Variants in FRYL observed in about 807,000 individuals in gnomAD.
FRYL encodes the protein FRY like transcription coactivator, also known as protein furry homolog-like.
A neutral mutation model predicts 351.2 loss-of-function variants in FRYL; 150 were observed. That is an observed-to-expected ratio of 0.43 (90% CI 0.37 to 0.49). The LOEUF is 0.49. FRYL is among the 20% of genes least tolerant of loss of function. The pLI is 0.00. For synonymous variants in FRYL, 1,153 were observed against 1,257.1 expected, an observed-to-expected ratio of 0.92 and a Z score of 1.75; for missense variants, 3,036 against 3,619.3, an observed-to-expected ratio of 0.84 and a Z score of 4.13.
At chr4:48,560,027 G>A (rs984849474) in intron 33 of FRYL, among the ~76,000 whole-genome samples, 1 of 152,032 alleles carries the variant, frequency 6.6e-6, no homozygotes, top group Non-Finnish European at 1.5e-5. Context: ...GCATGCAGGA[G>A]GACTGAGAAT....
Position 48,513,009 on chromosome 4 carries a change from TG to T in FRYL, c.7938-322del, listed in dbSNP as rs146937244. The stretch of plus-strand genomic sequence containing the variant: ...CCGATTAGAATGCTTTCATTTTCAA[TG>T]GTCAATTTTGGAGGCTTTTATTTGA... On this transcript the variant is annotated intron_variant, in intron 56 of 63. Coordinates refer to ENST00000358350, the MANE Select transcript of FRYL (RefSeq NM_015030.2). 3.0e-3 allele frequency among the ~76,000 whole-genome samples: 463 copies of T among 152,316 alleles called. 1 individual carries two copies. The highest frequency in any genetic ancestry group is 0.011 in the African/African-American group (443 of 41,582).
At chr4:48,724,425 A>G (rs1769849847) in intron 1 of FRYL, among the ~76,000 whole-genome samples, 2 of 152,134 alleles carry the variant, frequency 1.3e-5, no homozygotes, top group South Asian at 4.1e-4. Context: ...TGCAAATACT[A>G]CCCTCCAAAG....
At chr4:48,655,327 A>G (rs1217136692) in intron 3 of FRYL, among the ~76,000 whole-genome samples, 1 of 152,148 alleles carries the variant, frequency 6.6e-6, no homozygotes, top group African/African-American at 2.4e-5. Flanking sequence ...TGTTGTTTGG[A>G]TACATCGCGA....
intron 1 of FRYL, among the ~76,000 whole-genome samples, chr4:48,772,443 A>G (rs1253204237): frequency 6.6e-6 from 1 of 152,200 alleles, no homozygotes; most frequent in Non-Finnish European, 1.5e-5. Flanking sequence ...GGGATGATGT[A>G]CTTGAATCTA....
At chr4:48,741,026 T>A (rs1044419979) in intron 1 of FRYL, among the ~76,000 whole-genome samples, 4 of 151,496 alleles carry the variant, frequency 2.6e-5, no homozygotes, top group Non-Finnish European at 4.4e-5. Flanking sequence ...GGTGAATAGA[T>A]TTGATGAAAA....
At chr4:48,604,198 C>G (rs1231272491) in intron 11 of FRYL, among the ~76,000 whole-genome samples, 1 of 152,060 alleles carries the variant, frequency 6.6e-6, no homozygotes, top group East Asian at 1.9e-4. Context: ...AGAGGAAGAC[C>G]TGACAAACAG....
chr4:48,755,386 G>A (rs1773670106), intron 1 of FRYL, among the ~76,000 whole-genome samples: 1 of 152,084 alleles, frequency 6.6e-6, no homozygotes, highest in Admixed American at 6.6e-5. Flanking sequence ...AAAATAGACA[G>A]TGAATTTCCA....
intron 25 of FRYL, chr4:48,574,489 G>A (rs928414019): frequency 1.1e-4 from 16 of 151,860 alleles, no homozygotes; most frequent in African/African-American, 3.9e-4. Flanking sequence ...TTAGCAAAAG[G>A]CAAAAGATTT....
At chr4:48,658,114 A>G (rs1759631438) in intron 3 of FRYL, among the ~76,000 whole-genome samples, 1 of 151,662 alleles carries the variant, frequency 6.6e-6, no homozygotes, top group Non-Finnish European at 1.5e-5. Context: ...ATGGATCTGA[A>G]TAAAATGTTA....
chr4:48,751,021 G>T (rs1239681588), intron 1 of FRYL, among the ~76,000 whole-genome samples: 1 of 152,110 alleles, frequency 6.6e-6, no homozygotes, highest in African/African-American at 2.4e-5. Context: ...GGGACTGAGG[G>T]GCACGTGAAA....
At chr4:48,568,243 C>T (rs1363646710) in intron 27 of FRYL, among the ~76,000 whole-genome samples, 2 of 152,172 alleles carry the variant, frequency 1.3e-5, no homozygotes, top group Non-Finnish European at 2.9e-5. Context: ...GAGCAAGAGC[C>T]TGTCTCAAGG....
At chr4:48,584,979 T>C (rs924800287) in intron 19 of FRYL, among the ~76,000 whole-genome samples, 11 of 152,242 alleles carry the variant, frequency 7.2e-5, no homozygotes, top group African/African-American at 2.4e-4. Flanking sequence ...GCAAAGCAAA[T>C]TGTCATTCAC....
At chr4:48,659,950 G>GAAC (rs1275200968) in intron 3 of FRYL, among the ~76,000 whole-genome samples, 1 of 143,870 alleles carries the variant, frequency 7.0e-6, no homozygotes, top group African/African-American at 2.6e-5. Context: ...AGAAGAAGAA[G>GAAC]AAGAAGAAGA....
intron 24 of FRYL, among the ~76,000 whole-genome samples, 175 bp downstream of exon 24, chr4:48,575,855 C>A (rs1445812538): frequency 6.6e-6 from 1 of 152,108 alleles, no homozygotes; most frequent in East Asian, 1.9e-4. Flanking sequence ...TTATTGATTC[C>A]AACTAGGAAT....
chr4:48,682,660 C>T (rs183000558), intron 3 of FRYL, among the ~76,000 whole-genome samples: 8 of 151,988 alleles, frequency 5.3e-5, no homozygotes, highest in African/African-American at 1.7e-4. Flanking sequence ...AACAAACATA[C>T]GAAAAAAAAC....
intron 11 of FRYL, among the ~76,000 whole-genome samples, chr4:48,604,556 AT>A (rs147487147): frequency 0.029 from 4,428 of 152,288 alleles, 76 homozygotes; most frequent in Admixed American, 0.047. Flanking sequence ...ATTCAGAACC[AT>A]GCTTCTACAA....
At chr4:48,652,807 T>TTCAA (rs1757990810) in intron 3 of FRYL, among the ~76,000 whole-genome samples, 1 of 152,224 alleles carries the variant, frequency 6.6e-6, no homozygotes, top group Non-Finnish European at 1.5e-5. Context: ...TGATATTTTA[T>TTCAA]ACATTAGTTT....
At chr4:48,516,207 G>GACT (rs1723557295) in intron 55 of FRYL, among the ~76,000 whole-genome samples, 1 of 152,124 alleles carries the variant, frequency 6.6e-6, no homozygotes, top group Non-Finnish European at 1.5e-5. Flanking sequence ...TATCAAAAAA[G>GACT]ACTATATTCT....
At chr4:48,728,891 G>C (rs1167878064) in intron 1 of FRYL, among the ~76,000 whole-genome samples, 1 of 152,222 alleles carries the variant, frequency 6.6e-6, no homozygotes, top group East Asian at 1.9e-4. Context: ...TGCAGCCCAC[G>C]GAGGGCAAGC....
Sources: gnomAD v4.1 joint callset for allele counts (sites outside exome capture counted in the v4.1 genomes callset) on GRCh38, gnomAD v4.1.1 for gene constraint, MANE v1.5 for transcripts, NCBI Gene and HGNC (gene_info 2026-07-23, HGNC 2026-07-21) for gene names.